Variants in WLS observed in about 807,000 individuals in gnomAD.
WLS encodes protein wntless homolog.
Under a neutral mutation model 62.8 loss-of-function variants are expected in WLS, and 23 were observed. That is an observed-to-expected ratio of 0.37 (90% CI 0.26 to 0.52). The LOEUF is 0.52. WLS is among the 20% of genes least tolerant of loss of function. The pLI is 0.92. For synonymous variants in WLS, 246 were observed against 244.1 expected (o/e 1.01, Z -0.07); for missense variants, 615 against 697.3 (o/e 0.88, Z 1.33).
intron 2 of WLS, among the ~76,000 whole-genome samples, chr1:68,187,153 C>A (rs895417894): frequency 6.1e-5 from 8 of 131,230 alleles, no homozygotes; most frequent in Non-Finnish European, 1.2e-4. Context: ...CGTGCCACTG[C>A]ACTCCAGCCT....
At chr1:68,099,154 C>T (rs986792264) in intron 11 of WLS, among the ~76,000 whole-genome samples, 2 of 152,164 alleles carry the variant, frequency 1.3e-5, no homozygotes, top group South Asian at 2.1e-4. Flanking sequence ...CAGCAAGCCA[C>T]TTAGGAGGAT....
intron 1 of WLS, among the ~76,000 whole-genome samples, chr1:68,231,153 A>G (rs1650397747): frequency 2.6e-5 from 4 of 152,106 alleles, no homozygotes; most frequent in African/African-American, 4.8e-5. Flanking sequence ...GAGTGTGCAG[A>G]GAGGCGGGAG....
In WLS at chr1:68,125,770, G is replaced by A. The variant is rs758860841; in HGVS notation, c.*456C>T. On this transcript the variant is annotated 3_prime_UTR_variant, in exon 12 of 12. Transcript: ENST00000262348. ...GAAAAAAACAGTGGTCATGGATTAG[G>A]AGTGAGAAGACTATGACACCAGCCT... 2.0e-6 allele frequency: 2 copies of A among 989,706 alleles called. No individual in the cohort carries two copies. Among genetic ancestry groups the A allele is most frequent in the Non-Finnish European group, 2.4e-6 (2 of 832,638 alleles). 61.3% of individuals were successfully genotyped at this position (989,706 alleles called of 1,614,324 possible).
chr1:68,153,665 C>T lies in WLS; in HGVS notation c.667-12G>A, dbSNP rs1646857512. 1 of 1,613,680 alleles carries T rather than the reference C, an allele frequency of 6.2e-7. No individual in the cohort carries two copies. Among genetic ancestry groups the T allele is most frequent in the South Asian group, 1.1e-5 (1 of 90,994 alleles). ...TTTTGGTGGATCCCCTAGGCAGAGACCAGTGATAATTTTGAAGGTGAATAT... is the reference window on the plus strand; with the variant it reads ...TTTTGGTGGATCCCCTAGGCAGAGATCAGTGATAATTTTGAAGGTGAATAT... On this transcript the variant is annotated splice_polypyrimidine_tract_variant and intron_variant, in intron 4 of 11. Transcript: ENST00000262348.
At chr1:68,130,178 T>C (rs1258970170) in intron 11 of WLS, among the ~76,000 whole-genome samples, 2 of 152,162 alleles carry the variant, frequency 1.3e-5, no homozygotes, top group African/African-American at 4.8e-5. Flanking sequence ...TTAATGACAA[T>C]TGTTTGTGTA....
intron 11 of WLS, among the ~76,000 whole-genome samples, chr1:68,129,118 A>G (rs1031717356): frequency 6.6e-6 from 1 of 152,092 alleles, no homozygotes; most frequent in Non-Finnish European, 1.5e-5. Context: ...TGAGGTCAGG[A>G]GTTTGAACCA....
chr1:68,160,226 G>T (rs988660175), intron 2 of WLS, among the ~76,000 whole-genome samples: 2 of 151,952 alleles, frequency 1.3e-5, no homozygotes, highest in Non-Finnish European at 2.9e-5. Context: ...CAGTTTCAAG[G>T]TTCACTTCCC....
At chr1:68,111,644 C>T (rs1373458945) in intron 11 of WLS, among the ~76,000 whole-genome samples, 4 of 152,252 alleles carry the variant, frequency 2.6e-5, no homozygotes, top group Middle Eastern at 3.4e-3. Context: ...GTCCTTTGAA[C>T]GAGCCCTTTA....
intron 1 of WLS, among the ~76,000 whole-genome samples, chr1:68,225,793 C>A (rs1272866379): frequency 6.6e-6 from 1 of 152,208 alleles, no homozygotes; most frequent in Non-Finnish European, 1.5e-5. Context: ...ACCTCTCCAA[C>A]CTCCACTGAT....
At chr1:68,213,249 A>C (rs1040262223) in intron 1 of WLS, among the ~76,000 whole-genome samples, 2 of 151,976 alleles carry the variant, frequency 1.3e-5, no homozygotes, top group African/African-American at 4.8e-5. Flanking sequence ...TCAGAAGTTC[A>C]AGACCAGCCT....
intron 11 of WLS, among the ~76,000 whole-genome samples, chr1:68,104,470 T>C (rs1557441762): frequency 6.6e-6 from 1 of 151,760 alleles, no homozygotes; most frequent in East Asian, 1.9e-4. Context: ...CAGTGAAAAC[T>C]TGGAGGGTAT....
intron 2 of WLS, chr1:68,161,705 A>G (rs1370096863): frequency 3.0e-6 from 4 of 1,328,060 alleles, no homozygotes; most frequent in Middle Eastern, 5.3e-4. Flanking sequence ...ATTTTTCACT[A>G]TCTCTTGGTC....
At chr1:68,156,526 C>T (rs760627361) in intron 3 of WLS, among the ~76,000 whole-genome samples, 1 of 152,080 alleles carries the variant, frequency 6.6e-6, no homozygotes, top group Non-Finnish European at 1.5e-5. Context: ...TGTACAGAGA[C>T]AGAGACACAC....
chr1:68,132,582 C>A (rs556324406), intron 11 of WLS, among the ~76,000 whole-genome samples: 3 of 152,274 alleles, frequency 2.0e-5, no homozygotes, highest in Middle Eastern at 3.4e-3. Context: ...GCTGCCAAGA[C>A]GCGGAACCAG....
chr1:68,144,711 T>A, intron 9 of WLS, 59 bp from the exon 10 acceptor site: 7 of 1,376,498 alleles, frequency 5.1e-6, no homozygotes, highest in Non-Finnish European at 7.1e-6. Context: ...TTTCTCACTA[T>A]GTAAATCTAT....
intron 4 of WLS, 61 bp downstream of exon 4, chr1:68,155,038 G>A: frequency 1.3e-6 from 2 of 1,554,972 alleles, no homozygotes; most frequent in Admixed American, 1.8e-5. Context: ...GCATAGAGGT[G>A]CCAAGAGTGA....
chr1:68,217,872 C>T (rs377340257), intron 1 of WLS, among the ~76,000 whole-genome samples: 3 of 152,150 alleles, frequency 2.0e-5, no homozygotes, highest in Non-Finnish European at 2.9e-5. Context: ...AAGGACACAG[C>T]GGTTGATTAA....
intron 1 of WLS, among the ~76,000 whole-genome samples, chr1:68,216,764 T>C (rs12760857): frequency 0.031 from 4,662 of 152,264 alleles, 102 homozygotes; most frequent in Non-Finnish European, 0.041. Flanking sequence ...TTAATGGTTT[T>C]CATATTATTT....
chr1:68,111,730 C>T (rs556516356), intron 11 of WLS, among the ~76,000 whole-genome samples: 1 of 152,174 alleles, frequency 6.6e-6, no homozygotes, highest in African/African-American at 2.4e-5. Context: ...TGCAGGTCTC[C>T]ACCCAAACCC....
Sources: gnomAD v4.1 joint callset for allele counts (sites outside exome capture counted in the v4.1 genomes callset) on GRCh38, gnomAD v4.1.1 for gene constraint, MANE v1.5 for transcripts, NCBI Gene and HGNC (gene_info 2026-07-23, HGNC 2026-07-21) for gene names.